Variants in ANXA4 observed in about 807,000 individuals in gnomAD.
ANXA4 encodes the protein annexin A4.
A neutral mutation model predicts 49.8 loss-of-function variants in ANXA4; 39 were observed. That is an observed-to-expected ratio of 0.78 (90% CI 0.61 to 1.02). The LOEUF (loss-of-function observed/expected upper bound fraction) is 1.02, where lower values mean the gene tolerates loss of function less well. ANXA4 is among the 50% of genes least tolerant of loss of function. ANXA4 has a pLI of 0.00. For synonymous variants in ANXA4, 134 were observed against 152.5 expected, an observed-to-expected ratio of 0.88 and a Z score of 0.89; for missense variants, 360 against 410.1, an observed-to-expected ratio of 0.88 and a Z score of 1.05.
At chr2:69,790,289 G>A (rs192101544) in intron 3 of ANXA4, among the ~76,000 whole-genome samples, 375 of 152,118 alleles carry the variant, frequency 2.5e-3, no homozygotes, top group African/African-American at 8.2e-3. Context: ...ACTGGGTGAC[G>A]ATTTCTTCTG....
At chr2:69,813,758 C>CTCT (rs1294748742) in intron 8 of ANXA4, among the ~76,000 whole-genome samples, 1 of 82,028 alleles carries the variant, frequency 1.2e-5, no homozygotes. Context: ...CTCTCTCTCT[C>CTCT]TTTTTTTTTT....
chr2:69,770,511 T>C (rs1671662764), intron 1 of ANXA4, among the ~76,000 whole-genome samples: 1 of 152,180 alleles, frequency 6.6e-6, no homozygotes, highest in Non-Finnish European at 1.5e-5. Flanking sequence ...GGCAGGTCCC[T>C]TCATAATAGG....
chr2:69,693,087 A>C (rs868862077), intron 2 of ANXA4, among the ~76,000 whole-genome samples: 1 of 152,206 alleles, frequency 6.6e-6, no homozygotes, highest in African/African-American at 2.4e-5. Context: ...AACTTTCAAC[A>C]TGCTTGATAG....
intron 2 of ANXA4, among the ~76,000 whole-genome samples, chr2:69,664,495 T>TA (rs1303368584): frequency 6.6e-6 from 1 of 152,226 alleles, no homozygotes; most frequent in Non-Finnish European, 1.5e-5. Context: ...GTGCCAGTCA[T>TA]TATTCTAGGT....
chr2:69,749,754 G>A (rs977540440), intron 1 of ANXA4, among the ~76,000 whole-genome samples: 2 of 149,850 alleles, frequency 1.3e-5, no homozygotes, highest in East Asian at 1.9e-4. Context: ...GTAAAACCCC[G>A]TCTCTTACTA....
intron 2 of ANXA4, among the ~76,000 whole-genome samples, chr2:69,692,420 T>C (rs1405799819): frequency 6.6e-6 from 1 of 152,248 alleles, no homozygotes; most frequent in Non-Finnish European, 1.5e-5. Flanking sequence ...GAATTCCCTT[T>C]CCCTGTATCA....
At chr2:69,695,527 A>G (rs1408048827) in intron 2 of ANXA4, among the ~76,000 whole-genome samples, 1 of 152,250 alleles carries the variant, frequency 6.6e-6, no homozygotes, top group African/African-American at 2.4e-5. Flanking sequence ...AGTGTGAAAT[A>G]AAACAACACC....
intron 3 of ANXA4, among the ~76,000 whole-genome samples, chr2:69,801,971 G>C (rs550381267): frequency 6.6e-6 from 1 of 152,148 alleles, no homozygotes; most frequent in African/African-American, 2.4e-5. Context: ...GGTAATGAAG[G>C]GGGTCAGGAG....
At chr2:69,679,857 A>T (rs80181786) in intron 2 of ANXA4, among the ~76,000 whole-genome samples, 1,772 of 152,244 alleles carry the variant, frequency 0.012, 38 homozygotes, top group African/African-American at 0.038. Flanking sequence ...TCTGTGGTCT[A>T]TGTGTCTGTT....
intron 3 of ANXA4, among the ~76,000 whole-genome samples, chr2:69,799,486 T>A (rs1436700941): frequency 2.6e-5 from 4 of 152,224 alleles, no homozygotes; most frequent in African/African-American, 9.6e-5. Context: ...TGATTTTTTT[T>A]AACTGTGTGT....
At chr2:69,677,699 G>C (rs992935896) in intron 2 of ANXA4, among the ~76,000 whole-genome samples, 3 of 152,218 alleles carry the variant, frequency 2.0e-5, no homozygotes, top group Non-Finnish European at 4.4e-5. Flanking sequence ...GACTGGAAGA[G>C]CCTCAGAAAC....
chr2:69,805,248 C>T (rs1458210484), intron 4 of ANXA4, among the ~76,000 whole-genome samples: 1 of 151,836 alleles, frequency 6.6e-6, no homozygotes, highest in Non-Finnish European at 1.5e-5. Flanking sequence ...CATGAATGAT[C>T]ACAAAGATAC....
chr2:69,674,954 G>A (rs972876688), intron 2 of ANXA4, among the ~76,000 whole-genome samples: 3 of 130,410 alleles, frequency 2.3e-5, no homozygotes, highest in Non-Finnish European at 3.1e-5. Context: ...ATGGAGTCTC[G>A]CTCTGTCACC....
At chr2:69,803,418 T>G (rs1187493974) in intron 3 of ANXA4, 1 of 152,158 alleles carries the variant, frequency 6.6e-6, no homozygotes, top group Non-Finnish European at 1.5e-5. Flanking sequence ...AACAGAAGAT[T>G]CACCAAACAT....
chr2:69,744,136 C>T (rs1670518785), intron 1 of ANXA4, among the ~76,000 whole-genome samples: 1 of 152,074 alleles, frequency 6.6e-6, no homozygotes, highest in Non-Finnish European at 1.5e-5. Context: ...AGCAAGACCC[C>T]GTCTCTACAA....
intron 9 of ANXA4, 125 bp from the exon 10 acceptor site, chr2:69,818,474 A>T: frequency 1.9e-6 from 1 of 529,212 alleles, no homozygotes; most frequent in Non-Finnish European, 3.3e-6. Flanking sequence ...ATTACTAATT[A>T]GTTTCCTCCT....
chr2:69,735,619 C>T (rs776816718), intron 3 of ANXA4, among the ~76,000 whole-genome samples: 1 of 147,226 alleles, frequency 6.8e-6, no homozygotes, highest in Non-Finnish European at 1.5e-5. Context: ...AAAAAAAAAT[C>T]CCCTATTTGC....
intron 1 of ANXA4, among the ~76,000 whole-genome samples, chr2:69,750,519 C>T (rs1198781041): frequency 6.6e-6 from 1 of 152,176 alleles, no homozygotes; most frequent in African/African-American, 2.4e-5. Flanking sequence ...CGCAGGTGAC[C>T]CTTCCACCTT....
At chr2:69,794,054 C>A (rs1672813892) in intron 3 of ANXA4, among the ~76,000 whole-genome samples, 1 of 152,130 alleles carries the variant, frequency 6.6e-6, no homozygotes, top group South Asian at 2.1e-4. Flanking sequence ...ATTTCTTTTA[C>A]CCAGTTTGCT....
Sources: gnomAD v4.1 joint callset for allele counts (sites outside exome capture counted in the v4.1 genomes callset) on GRCh38, gnomAD v4.1.1 for gene constraint, MANE v1.5 for transcripts, NCBI Gene and HGNC (gene_info 2026-07-23, HGNC 2026-07-21) for gene names.